ANK1: variants seen among roughly 807,000 people sequenced by gnomAD.
The protein encoded by ANK1 is ankyrin-1.
ANK1 carries 51 observed loss-of-function variants against 210.4 expected under a neutral mutation model. The ratio of observed to expected loss-of-function variants is 0.24; its 90% CI spans 0.19 to 0.31. The LOEUF is 0.31. Ranked by LOEUF, ANK1 falls within the 10% of genes least tolerant of loss-of-function variation. The pLI is 1.00. For synonymous variants in ANK1, 967 were observed against 1,025.9 expected (o/e 0.94, Z 1.10); for missense variants, 2,051 against 2,504.4 (o/e 0.82, Z 3.86).
At position 41,714,269 on chromosome 8, in the gene ANK1, G is replaced by A; in HGVS notation, c.1702-15C>T. 6.5e-7 allele frequency: 1 copy of A among 1,548,902 alleles called. No homozygotes were observed. The highest frequency in any genetic ancestry group is 2.3e-5 in the East Asian group (1 of 43,370). ...GTCAGGCCATTCTGCAGGGGACAAA[G>A]ACAAAAGAGGCCGGCTGTCACTCCC... On this transcript the variant is annotated splice_polypyrimidine_tract_variant and intron_variant, in intron 15 of 42. Coordinates refer to ENST00000289734, the MANE Select transcript of ANK1 (RefSeq NM_000037.4).
At chr8:41,668,773 C>T (rs1307375434) in intron 38 of ANK1, among the ~76,000 whole-genome samples, 1 of 152,190 alleles carries the variant, frequency 6.6e-6, no homozygotes, top group African/African-American at 2.4e-5. Context: ...ACACGTGGCC[C>T]ATCTAATGCT....
At chr8:41,829,958 A>AAAAAAAAAAAAAAC (rs1563862696) in intron 1 of ANK1, 3 of 149,284 alleles carry the variant, frequency 2.0e-5, no homozygotes, top group Non-Finnish European at 4.4e-5. Flanking sequence ...AAAAAAAAAA[A>AAAAAAAAAAAAAAC]TCTGACGTGA....
In ANK1 at chr8:41,654,701, T is replaced by C. The variant is rs1393783470; in HGVS notation, c.*1089A>G. 1.3e-5 allele frequency: 2 copies of C among 152,668 alleles called. No individual in the cohort carries two copies. Among genetic ancestry groups the C allele is most frequent in the East Asian group, 3.9e-4 (2 of 5,194 alleles). The allele number at this position is 152,668 out of a possible 1,614,324, so 9.5% of individuals were successfully genotyped here. The stretch of plus-strand genomic sequence containing the variant: ...TGTACGTACTGCTAAATGTTTCTAT[T>C]GGTTTGCATAGTATTTATTGTTTTT... On this transcript the variant is annotated 3_prime_UTR_variant, in exon 43 of 43. Coordinates refer to ENST00000289734, the MANE Select transcript of ANK1 (RefSeq NM_000037.4).
rs1371114185 is a variant in ANK1 at position 41,653,313 on chromosome 8, C to A, written c.*2477G>T. 2 of 152,638 alleles carry A rather than the reference C, an allele frequency of 1.3e-5. No individual in the cohort carries two copies. The highest frequency in any genetic ancestry group is 2.4e-5 in the African/African-American group (1 of 41,446). 9.5% of individuals were successfully genotyped at this position (152,638 alleles called of 1,614,324 possible). On this transcript the variant is annotated 3_prime_UTR_variant, in exon 43 of 43. Transcript: ENST00000289734. ...ATACATCAGAGTAGGGTAGGGGATT[C>A]TCTCCCATAACAGAGCATGTGGGAG...
At chr8:41,858,330 G>A (rs1437545106) in intron 1 of ANK1, among the ~76,000 whole-genome samples, 4 of 148,426 alleles carry the variant, frequency 2.7e-5, no homozygotes, top group African/African-American at 7.5e-5. Context: ...CCTGGGTGAC[G>A]GAGTGACTCC....
intron 42 of ANK1, among the ~76,000 whole-genome samples, 168 bp from the exon 43 acceptor site, chr8:41,655,921 C>T (rs1019938519): frequency 2.6e-5 from 4 of 152,276 alleles, no homozygotes; most frequent in Non-Finnish European, 5.9e-5. Context: ...TGCAGCCCGA[C>T]TTCCTGAGAT....
chr8:41,712,111 G>C (rs1826313092), intron 16 of ANK1, among the ~76,000 whole-genome samples: 1 of 152,102 alleles, frequency 6.6e-6, no homozygotes, highest in Non-Finnish European at 1.5e-5. Flanking sequence ...TTTTAGTAGA[G>C]ACGGGGTTTC....
intron 1 of ANK1, among the ~76,000 whole-genome samples, chr8:41,775,717 C>T (rs1347057571): frequency 6.6e-6 from 1 of 152,088 alleles, no homozygotes. Context: ...TCTGTTTCTC[C>T]ATACACACAA....
rs897978017 is a variant in ANK1, at chr8:41,896,604, C to T, written c.-124G>A. On this transcript the variant is annotated 5_prime_UTR_variant, in exon 1 of 43. Coordinates refer to the ANK1 transcript ENST00000265709. ...ACAGAGGGGACAGCGTTCGTGGCGCCCCGAGGGCCGGCTGCTGCGGGGTCG... is the reference window on the plus strand; with the variant it reads ...ACAGAGGGGACAGCGTTCGTGGCGCTCCGAGGGCCGGCTGCTGCGGGGTCG... 52 of 1,278,182 alleles carry T rather than the reference C, an allele frequency of 4.1e-5. No individual in the cohort carries two copies. In the African/African-American group the frequency reaches 7.7e-4, roughly 19 times the overall value. 79.2% of individuals were successfully genotyped at this position (1,278,182 alleles called of 1,614,324 possible). A position where few individuals can be genotyped will look rare whatever the true frequency, so the allele number is the denominator to read the frequency against.
intron 22 of ANK1, chr8:41,700,549 T>A: frequency 1.5e-6 from 2 of 1,294,156 alleles, no homozygotes; most frequent in Non-Finnish European, 2.2e-6. Context: ...CCAGAAGCTC[T>A]GCTTCTCTAG....
chr8:41,766,354 T>C (rs1225909500), intron 1 of ANK1, among the ~76,000 whole-genome samples: 2 of 152,222 alleles, frequency 1.3e-5, no homozygotes, highest in Non-Finnish European at 2.9e-5. Flanking sequence ...AGGTGAACAC[T>C]GGGCCCTAGT....
chr8:41,773,159 G>A (rs1172415512), intron 1 of ANK1, among the ~76,000 whole-genome samples: 4 of 152,096 alleles, frequency 2.6e-5, no homozygotes, highest in African/African-American at 7.2e-5. Flanking sequence ...CTTTGTGTAG[G>A]GAGTGCCCAG....
intron 1 of ANK1, among the ~76,000 whole-genome samples, chr8:41,822,120 AAGAGAAAGAAAGAGAAAG>A (rs1563845339): frequency 1.5e-3 from 45 of 30,520 alleles, no homozygotes; most frequent in South Asian, 3.9e-3. Flanking sequence ...GAGAGAAAGA[AAGAGAAAGAAAGAGAAAG>A]AAAGAAAGAA....
At chr8:41,809,953 T>C (rs369007653) in intron 1 of ANK1, among the ~76,000 whole-genome samples, 4 of 152,082 alleles carry the variant, frequency 2.6e-5, no homozygotes, top group African/African-American at 9.7e-5. Context: ...GCTGGTGGTC[T>C]CCCACCGTCA....
At chr8:41,816,502 A>C (rs541084356) in intron 1 of ANK1, among the ~76,000 whole-genome samples, 48 of 152,244 alleles carry the variant, frequency 3.2e-4, no homozygotes, top group Middle Eastern at 3.4e-3. Flanking sequence ...GCAGTGGTGC[A>C]ATCATAGCTC....
At chr8:41,665,604 A>C in intron 39 of ANK1, 1 of 278,284 alleles carries the variant, frequency 3.6e-6, no homozygotes, top group Non-Finnish European at 7.1e-6. Flanking sequence ...CGGTGATCCA[A>C]ATGCTGTTCC....
rs1467799906 is a variant in ANK1 at position 41,733,957 on chromosome 8, C to T, written c.228+14G>A. 6.2e-6 allele frequency: 10 copies of T among 1,612,152 alleles called. No homozygotes were observed. Among genetic ancestry groups the T allele is most frequent in the Non-Finnish European group, 8.5e-7 (1 of 1,178,180 alleles). ...TTTTCAATGCAAAGCTCCCCCACTCCCTGTGAGACATACCTTGGTTGTCGT... is the reference window on the plus strand; with the variant it reads ...TTTTCAATGCAAAGCTCCCCCACTCTCTGTGAGACATACCTTGGTTGTCGT... On this transcript the variant is annotated intron_variant, in intron 3 of 42. Transcript: ENST00000289734.
intron 1 of ANK1, among the ~76,000 whole-genome samples, chr8:41,823,241 A>G (rs1009093119): frequency 6.6e-6 from 1 of 152,096 alleles, no homozygotes; most frequent in African/African-American, 2.4e-5. Context: ...ACTTGGAAAC[A>G]CTCTAGGGGG....
intron 1 of ANK1, among the ~76,000 whole-genome samples, chr8:41,824,112 A>G (rs1443228968): frequency 6.6e-6 from 1 of 151,990 alleles, no homozygotes; most frequent in Admixed American, 6.5e-5. Flanking sequence ...GGTGCACGCC[A>G]CCATGCCTGG....
Sources: allele counts gnomAD v4.1 joint callset (sites outside exome capture counted in the v4.1 genomes callset), GRCh38; gene constraint gnomAD v4.1.1; transcripts MANE v1.5; gene names NCBI Gene and HGNC (gene_info 2026-07-23, HGNC 2026-07-21).